Variants in CCDC88C observed in about 807,000 individuals in gnomAD.
CCDC88C encodes coiled-coil and HOOK domain protein 88C.
In CCDC88C, 131 loss-of-function variants were observed where a neutral mutation model predicts 198.8. The ratio of observed to expected loss-of-function variants is 0.66; its 90% CI spans 0.57 to 0.76. The LOEUF (loss-of-function observed/expected upper bound fraction) is 0.76, where lower values mean the gene tolerates loss of function less well. Among genes scored for constraint, CCDC88C ranks in the 30% least tolerant of loss-of-function variants. The probability of loss-of-function intolerance (pLI) is 0.00; values close to 1 mark genes in which losing one functional copy is unlikely to be tolerated. For synonymous variants in CCDC88C, 1,166 were observed against 1,114.7 expected, an observed-to-expected ratio of 1.05 and a Z score of -0.92; for missense variants, 2,553 against 2,631.6, an observed-to-expected ratio of 0.97 and a Z score of 0.65.
At chr14:91,363,509 G>A (rs1894399305) in intron 3 of CCDC88C, among the ~76,000 whole-genome samples, 1 of 151,914 alleles carries the variant, frequency 6.6e-6, no homozygotes, top group Non-Finnish European at 1.5e-5. Context: ...ATACTTGACT[G>A]TTTCCAGATT....
chr14:91,417,418 C>T (rs1285846), intron 1 of CCDC88C: 50,553 of 572,258 alleles, frequency 0.088, 6,372 homozygotes, highest in East Asian at 0.5. Context: ...CGGCGGGGTC[C>T]CGCGCCGGAC....
chr14:91,324,008 CCA>C (rs1445842683), intron 12 of CCDC88C, among the ~76,000 whole-genome samples: 1 of 150,506 alleles, frequency 6.6e-6, no homozygotes, highest in Admixed American at 6.6e-5. Flanking sequence ...TTAAAGCCAC[CCA>C]CTAAACAAGC....
intron 3 of CCDC88C, among the ~76,000 whole-genome samples, chr14:91,368,637 T>G (rs189360322): frequency 7.9e-5 from 12 of 152,312 alleles, no homozygotes; most frequent in African/African-American, 2.9e-4. Flanking sequence ...TGCATCGATT[T>G]AACACTTCCA....
At position 91,313,706 on chromosome 14, in the gene CCDC88C, C is replaced by A. The variant is rs376264952; in HGVS notation, c.2110G>T (p.Ala704Ser). The change falls in exon 15 of 30, where the codon GCA (alanine) becomes TCA (serine). Residue 704 changes from alanine to serine, a missense_variant. Physicochemically the swap from Ala to Ser is moderately conservative, Grantham distance 99 (BLOSUM62 1). This residue lies in a region of CCDC88C where 1,260 missense variants were observed against 1,412.0 expected (regional missense o/e 0.89). Transcript: ENST00000389857. This position sits in a 1 kb window ranked among gnomAD's most constrained non-coding sequence, Gnocchi z 5.2. ...AGCCTGCGCAGCTCCAGGTTCTCTGCGTCCAGCTGCTTGTTGTCACGCTCC... is the reference window on the plus strand; with the variant it reads ...AGCCTGCGCAGCTCCAGGTTCTCTGAGTCCAGCTGCTTGTTGTCACGCTCC... ...GLERDNKQLD[A>S]ENLELRRLVE... The A allele has an allele frequency of 6.2e-7, 1 of 1,610,874 alleles. No individual in the cohort carries two copies. Among genetic ancestry groups the A allele is most frequent in the Non-Finnish European group, 8.5e-7 (1 of 1,179,834 alleles).
chr14:91,301,114 TACTC>T (rs1272678749), intron 20 of CCDC88C, among the ~76,000 whole-genome samples: 5 of 152,148 alleles, frequency 3.3e-5, no homozygotes, highest in Admixed American at 3.3e-4. Flanking sequence ...TTATAACTCT[TACTC>T]ACCACTGAAT....
At chr14:91,317,819 A>T (rs1006269435) in intron 13 of CCDC88C, among the ~76,000 whole-genome samples, 7 of 152,152 alleles carry the variant, frequency 4.6e-5, no homozygotes, top group Admixed American at 2.6e-4. Flanking sequence ...GGCCTGAGAG[A>T]TCAGCATAAG....
At chr14:91,407,297 C>T (rs1349092337) in intron 3 of CCDC88C, among the ~76,000 whole-genome samples, 1 of 152,214 alleles carries the variant, frequency 6.6e-6, no homozygotes, top group African/African-American at 2.4e-5. Flanking sequence ...ACCCCAGAAC[C>T]AGCAACCACT....
intron 17 of CCDC88C, 111 bp from the exon 18 acceptor site, chr14:91,307,337 C>T (rs1233512657): frequency 1.3e-5 from 12 of 908,858 alleles, no homozygotes; most frequent in East Asian, 2.4e-5. Context: ...TCCCCATACT[C>T]GCCCGCCCTG....
chr14:91,288,878 A>G lies in CCDC88C; in HGVS notation c.4441+227T>C. 4.5e-6 allele frequency: 2 copies of G among 447,850 alleles called. No homozygotes were observed. Among genetic ancestry groups the G allele is most frequent in the Non-Finnish European group, 7.9e-6 (2 of 254,440 alleles). 27.7% of individuals were successfully genotyped at this position (447,850 alleles called of 1,614,324 possible). A position where few individuals can be genotyped will look rare whatever the true frequency, so the allele number is the denominator to read the frequency against. ...GCCTGGGCAACAAGAGTGAAACTCC[A>G]TCTCAAAAAAATTAAAATAAAATAT... On this transcript the variant is annotated intron_variant, in intron 25 of 29. Transcript: ENST00000389857. The surrounding 1 kb of genome is among the most constrained non-coding windows in gnomAD (Gnocchi z 4.2).
chr14:91,293,148 T>A (rs1890749219), intron 23 of CCDC88C, among the ~76,000 whole-genome samples: 2 of 122,824 alleles, frequency 1.6e-5, no homozygotes, highest in Non-Finnish European at 1.7e-5. Context: ...CTTCCCATCC[T>A]CACCTGCCAT....
At chr14:91,407,462 G>C (rs1042930994) in intron 3 of CCDC88C, among the ~76,000 whole-genome samples, 1 of 152,204 alleles carries the variant, frequency 6.6e-6, no homozygotes, top group African/African-American at 2.4e-5. Flanking sequence ...GCGGAGTCTG[G>C]TCACATGTTT....
intron 10 of CCDC88C, among the ~76,000 whole-genome samples, chr14:91,327,479 C>T (rs1318806990): frequency 6.6e-6 from 1 of 152,228 alleles, no homozygotes; most frequent in East Asian, 1.9e-4. Flanking sequence ...TACAGTGGCC[C>T]TCAGAGGGAG....
At chr14:91,283,711 G>A in intron 25 of CCDC88C, 194 bp from the exon 26 acceptor site, 1 of 602,840 alleles carries the variant, frequency 1.7e-6, no homozygotes, top group Non-Finnish European at 2.9e-6. Flanking sequence ...TTGGCTTCAG[G>A]TGGTGTCAGA....
chr14:91,404,317 C>T (rs943810112), intron 3 of CCDC88C, among the ~76,000 whole-genome samples: 1 of 152,210 alleles, frequency 6.6e-6, no homozygotes, highest in Non-Finnish European at 1.5e-5. Flanking sequence ...CCTTCCTGTC[C>T]TGGGGCGGTG....
At chr14:91,375,356 A>G (rs955328314) in intron 3 of CCDC88C, among the ~76,000 whole-genome samples, 1 of 152,214 alleles carries the variant, frequency 6.6e-6, no homozygotes, top group Non-Finnish European at 1.5e-5. Context: ...ATGCCCTTCA[A>G]TTAGACCAAC....
chr14:91,377,074 AC>A (rs1351708516), intron 3 of CCDC88C, among the ~76,000 whole-genome samples: 2 of 151,988 alleles, frequency 1.3e-5, no homozygotes, highest in African/African-American at 4.8e-5. Context: ...AGGAGAAAAA[AC>A]AAAGAGAAAC....
At chr14:91,364,584 TA>T (rs1295337715) in intron 3 of CCDC88C, among the ~76,000 whole-genome samples, 2 of 152,006 alleles carry the variant, frequency 1.3e-5, no homozygotes, top group Non-Finnish European at 2.9e-5. Context: ...GCCTCAAATC[TA>T]AAATCTAGGC....
chr14:91,297,252 C>A, intron 22 of CCDC88C, 53 bp downstream of exon 22: 1 of 1,569,528 alleles, frequency 6.4e-7, no homozygotes, highest in Non-Finnish European at 8.7e-7. Flanking sequence ...CCTGGGCTGT[C>A]CCCTTGGGGG....
Position 91,354,115 on chromosome 14 carries a change from C to T in CCDC88C, c.340+5527G>A, listed in dbSNP as rs569815098. On this transcript the variant is annotated intron_variant, in intron 4 of 29. Coordinates refer to ENST00000389857, the MANE Select transcript of CCDC88C (RefSeq NM_001080414.4). The stretch of plus-strand genomic sequence containing the variant: ...GCTGGGCTTCTACACCTAAATGGCT[C>T]GTTCCCTTCCATTCTAAATGGCTTC... Among the ~76,000 whole-genome samples, 8 of 152,292 alleles carry T rather than the reference C, an allele frequency of 5.3e-5. No homozygotes were observed. The East Asian group carries it at 7.7e-4, about 15-fold the overall frequency.
Sources: gnomAD v4.1 joint callset for allele counts (sites outside exome capture counted in the v4.1 genomes callset) on GRCh38, gnomAD v4.1.1 for gene constraint, gnomAD v4.1.1 regional missense constraint, Gnocchi (gnomAD v3.1) non-coding constraint, MANE v1.5 for transcripts, NCBI Gene and HGNC (gene_info 2026-07-23, HGNC 2026-07-21) for gene names.